The following GNL2 variants were observed in gnomAD, a reference collection of about 807,000 sequenced individuals.
GNL2 encodes nucleolar GTP-binding protein 2.
A neutral mutation model predicts 92.3 loss-of-function variants in GNL2; 51 were observed. That is an observed-to-expected ratio of 0.55 (90% CI 0.44 to 0.70). The LOEUF is 0.70. Ranked by LOEUF, GNL2 falls within the 30% of genes least tolerant of loss-of-function variation. GNL2 has a pLI of 0.00. For synonymous variants in GNL2, 283 were observed against 300.6 expected (o/e 0.94, Z 0.61); for missense variants, 844 against 895.6 (o/e 0.94, Z 0.74).
chr1:37,568,207 G>T, intron 14 of GNL2, 68 bp downstream of exon 14: 1 of 964,916 alleles, frequency 1.0e-6, no homozygotes, highest in South Asian at 1.3e-5. Flanking sequence ...TTTGGAGACT[G>T]AACTTAGGTT....
Position 37,588,645 on chromosome 1 carries a change from A to T in GNL2, c.385-1150T>A, listed in dbSNP as rs182182022. ...TCTATAAACCTACACATTAGTAAGTATAACACACATTAGTAAGTATAACAC... is the reference window on the plus strand; with the variant it reads ...TCTATAAACCTACACATTAGTAAGTTTAACACACATTAGTAAGTATAACAC... On this transcript the variant is annotated intron_variant, in intron 4 of 15. Coordinates refer to ENST00000373062, the MANE Select transcript of GNL2 (RefSeq NM_013285.3). Among the ~76,000 whole-genome samples, 293 of 152,050 alleles carry T rather than the reference A, an allele frequency of 1.9e-3. 9 individuals are homozygous for T. Among genetic ancestry groups the T allele is most frequent in the Admixed American group, 0.019 (292 of 15,286 alleles).
intron 6 of GNL2, 56 bp from the exon 7 acceptor site, chr1:37,582,992 A>G: frequency 8.4e-7 from 1 of 1,192,280 alleles, no homozygotes; most frequent in East Asian, 2.4e-5. Context: ...AAGAGGGATG[A>G]CATTTAAGGG....
intron 5 of GNL2, among the ~76,000 whole-genome samples, chr1:37,585,152 G>A (rs1371935547): frequency 1.4e-5 from 2 of 143,386 alleles, no homozygotes; most frequent in East Asian, 4.3e-4. Context: ...TCCGCCTCCC[G>A]GGTTTAAGCG....
At chr1:37,589,346 C>T (rs1255882267) in intron 4 of GNL2, among the ~76,000 whole-genome samples, 1 of 152,240 alleles carries the variant, frequency 6.6e-6, no homozygotes, top group Non-Finnish European at 1.5e-5. Context: ...GCTCTGTCGC[C>T]TGGGCTGGCA....
At chr1:37,579,614 T>C (rs1643733202) in intron 8 of GNL2, among the ~76,000 whole-genome samples, 1 of 148,674 alleles carries the variant, frequency 6.7e-6, no homozygotes, top group African/African-American at 2.5e-5. Flanking sequence ...AAAAAATATA[T>C]AGGCCAGGTG....
At chr1:37,578,995 T>C (rs1643721820) in intron 8 of GNL2, among the ~76,000 whole-genome samples, 1 of 152,048 alleles carries the variant, frequency 6.6e-6, no homozygotes, top group African/African-American at 2.4e-5. Context: ...CAAGACCCTG[T>C]CTCAAAAAAA....
At chr1:37,579,290 G>GT (rs1199800660) in intron 8 of GNL2, among the ~76,000 whole-genome samples, 1 of 152,200 alleles carries the variant, frequency 6.6e-6, no homozygotes, top group Admixed American at 6.5e-5. Context: ...GCTCACGTCT[G>GT]TAATCCCAGC....
intron 4 of GNL2, among the ~76,000 whole-genome samples, 173 bp downstream of exon 4, chr1:37,590,533 T>C (rs1643881474): frequency 6.6e-6 from 1 of 152,228 alleles, no homozygotes; most frequent in Non-Finnish European, 1.5e-5. Context: ...TCCACTACAC[T>C]ACTGCACCTC....
At chr1:37,593,690 G>C in intron 2 of GNL2, 72 bp downstream of exon 2, 1 of 1,020,008 alleles carries the variant, frequency 9.8e-7, no homozygotes, top group Non-Finnish European at 1.5e-6. Flanking sequence ...GAACAGCAAA[G>C]GCTTCATCAG....
At chr1:37,582,970 C>T (rs1306677764) in intron 6 of GNL2, 34 bp from the exon 7 acceptor site, 9 of 1,510,578 alleles carry the variant, frequency 6.0e-6, no homozygotes, top group Non-Finnish European at 8.2e-6. Context: ...TGGTTTGCTA[C>T]AGTACAAATA....
At chr1:37,583,978 G>T in intron 5 of GNL2, 45 bp from the exon 6 acceptor site, 2 of 1,058,044 alleles carry the variant, frequency 1.9e-6, no homozygotes, top group Non-Finnish European at 3.0e-6. Context: ...GCACCATCAA[G>T]ACTAAAAGGA....
chr1:37,577,580 A>G (rs991998019), intron 8 of GNL2, among the ~76,000 whole-genome samples: 6 of 152,228 alleles, frequency 3.9e-5, no homozygotes, highest in Non-Finnish European at 5.9e-5. Flanking sequence ...TAGATGCTTA[A>G]AAGTAGTATC....
intron 6 of GNL2, 171 bp from the exon 7 acceptor site, chr1:37,583,107 G>A (rs1643798680): frequency 2.4e-6 from 1 of 424,854 alleles, no homozygotes; most frequent in Non-Finnish European, 4.1e-6. Context: ...GAATTCAAAA[G>A]GTTTTTCATC....
intron 5 of GNL2, among the ~76,000 whole-genome samples, chr1:37,586,988 CG>C (rs1403081686): frequency 6.6e-6 from 1 of 152,074 alleles, no homozygotes; most frequent in African/African-American, 2.4e-5. Flanking sequence ...GTACCTCGAC[CG>C]GGTGCAGTGG....
rs1023760229 is a variant in GNL2, at chr1:37,568,139, T to C, written c.1951+136A>G. On this transcript the variant is annotated intron_variant, in intron 14 of 15. Coordinates refer to ENST00000373062, the MANE Select transcript of GNL2 (RefSeq NM_013285.3). The stretch of plus-strand genomic sequence containing the variant: ...AGATAATTCAATTTGCATAACACTA[T>C]GTAAATTTAAAGTAATCTGCCAGAT... 11 of 636,118 alleles carry C rather than the reference T, an allele frequency of 1.7e-5. No individual in the cohort carries two copies. The Admixed American group carries it at 2.5e-4, about 15-fold the overall frequency. The allele number at this position is 636,118 out of a possible 1,614,324, so 39.4% of individuals were successfully genotyped here.
intron 9 of GNL2, 199 bp downstream of exon 9, chr1:37,576,229 C>T (rs1038742344): frequency 1.3e-5 from 7 of 524,368 alleles, no homozygotes; most frequent in South Asian, 1.0e-4. Context: ...CAAAGCCACA[C>T]GGGGGCATAT....
chr1:37,587,683 G>T (rs1036664471), intron 4 of GNL2, among the ~76,000 whole-genome samples, 188 bp from the exon 5 acceptor site: 2 of 152,150 alleles, frequency 1.3e-5, no homozygotes, highest in Non-Finnish European at 2.9e-5. Context: ...ACAAACACTG[G>T]TTCCCTTATT....
At chr1:37,585,637 G>A (rs549020878) in intron 5 of GNL2, among the ~76,000 whole-genome samples, 5 of 152,210 alleles carry the variant, frequency 3.3e-5, no homozygotes, top group South Asian at 2.1e-4. Context: ...AATTCAAATC[G>A]GCAGAATACA....
chr1:37,581,725 C>T (rs1643771417), intron 8 of GNL2, among the ~76,000 whole-genome samples: 2 of 151,544 alleles, frequency 1.3e-5, no homozygotes, highest in South Asian at 2.1e-4. Context: ...GGTGCAGTGG[C>T]GCAATCTCGG....
Sources: allele counts gnomAD v4.1 joint callset (sites outside exome capture counted in the v4.1 genomes callset), GRCh38; gene constraint gnomAD v4.1.1; transcripts MANE v1.5; gene names NCBI Gene and HGNC (gene_info 2026-07-23, HGNC 2026-07-21).